Variants in NF1 observed in about 807,000 individuals in gnomAD.
The protein encoded by NF1 is neurofibromin 1.
A neutral mutation model predicts 325.7 loss-of-function variants in NF1; 122 were observed. That is an observed-to-expected ratio of 0.37 (90% confidence interval 0.32 to 0.44). The LOEUF (loss-of-function observed/expected upper bound fraction) is 0.44. NF1 is among the 20% of genes least tolerant of loss of function. NF1 has a pLI of 1.00. For missense variants in NF1, 2,140 were observed against 3,415.4 expected (o/e 0.63, Z 9.31); for synonymous variants, 1,091 against 1,186.0 (o/e 0.92, Z 1.65).
chr17:31,124,031 G>A (rs1433108833), intron 1 of NF1, among the ~76,000 whole-genome samples: 1 of 151,950 alleles, frequency 6.6e-6, no homozygotes, highest in Non-Finnish European at 1.5e-5. Context: ...AGAAATAGTT[G>A]AAGCTGTCTT....
rs2069704009 is a variant in NF1, at chr17:31,337,389, G to C, written c.6449G>C (p.Arg2150Thr). The C allele has an allele frequency of 6.2e-7, 1 of 1,613,806 alleles. No individual in the cohort carries two copies. The highest frequency in any genetic ancestry group is 8.5e-7 in the Non-Finnish European group (1 of 1,179,878). ...HFSEETKQVL[R>T]LSLTEFSLPK... Reference sequence around the variant, plus strand: ...ACAGAAGAGACCAAGCAAGTTTTGAGACTCAGTCTGACAGAGTTCTCATTA... The same window carrying C: ...ACAGAAGAGACCAAGCAAGTTTTGACACTCAGTCTGACAGAGTTCTCATTA... The change falls in exon 43 of 58, where the codon AGA becomes ACA. Residue 2150 changes from arginine (R) to threonine (T), a missense_variant. Physicochemically the swap from Arg to Thr is moderately conservative, Grantham distance 71. Around this residue, in one of 10 missense-constraint regions of NF1, gnomAD observed 180 missense variants for 435.1 expected, o/e 0.41. Transcript: ENST00000358273.
At chr17:31,317,368 A>AAC (rs3138611) in intron 36 of NF1, among the ~76,000 whole-genome samples, 73,570 of 144,380 alleles carry the variant, frequency 0.51, 18,798 homozygotes, top group South Asian at 0.65. Context: ...TCCAGATTTG[A>AAC]ACACACACAC....
chr17:31,367,768 A>G (rs960052849), intron 57 of NF1, among the ~76,000 whole-genome samples: 2 of 152,134 alleles, frequency 1.3e-5, no homozygotes, highest in African/African-American at 2.4e-5. Context: ...TTGGGAGGCC[A>G]AGGTGGGCGG....
intron 8 of NF1, among the ~76,000 whole-genome samples, chr17:31,184,170 A>G (rs2143794990): frequency 1.3e-5 from 2 of 152,324 alleles, no homozygotes; most frequent in Middle Eastern, 3.4e-3. Flanking sequence ...GAACACTGAT[A>G]GTCGTTGCTG....
chr17:31,312,286 A>G lies in NF1; in HGVS notation c.4836-13534A>G, dbSNP rs141861812. 8.4e-3 allele frequency among the ~76,000 whole-genome samples: 1,280 copies of G among 151,982 alleles called. 24 individuals carry two copies. The highest frequency in any genetic ancestry group is 0.03 in the African/African-American group (1,221 of 41,366). On this transcript the variant is annotated intron_variant, in intron 36 of 57. Coordinates refer to ENST00000358273, the MANE Select transcript of NF1 (RefSeq NM_001042492.3). Reference sequence around the variant, plus strand: ...GCACTTTGGGAGGCCGAGGTGGGCCAATCACTTGAGGTCAGGAGTTGAAGA... The same window carrying G: ...GCACTTTGGGAGGCCGAGGTGGGCCGATCACTTGAGGTCAGGAGTTGAAGA...
chr17:31,252,941 A>G lies in NF1; in HGVS notation c.4114A>G (p.Thr1372Ala). 6.2e-7 allele frequency: 1 copy of G among 1,613,618 alleles called. No individual in the cohort carries two copies. The highest frequency in any genetic ancestry group is 8.5e-7 in the Non-Finnish European group (1 of 1,179,746). Residue 1372 changes from threonine to alanine, a missense_variant, in exon 31 of 58, where the codon ACT becomes GCT. Coordinates refer to ENST00000358273, the MANE Select transcript of NF1 (RefSeq NM_001042492.3). ...TGTGCTCATCTCTGTTCTGTAGGCA[A>G]CTTGCCACTCCCTACTGAATAAAGC... ...RSVCHCLYQA[T>A]CHSLLNKATV... is the part of the protein sequence containing the mutation.
chr17:31,358,179 A>G (rs750697363), intron 54 of NF1: 53 of 436,184 alleles, frequency 1.2e-4, no homozygotes, highest in Non-Finnish European at 1.7e-4. Flanking sequence ...GACAGAGCCA[A>G]CCTTGTCTTA....
chr17:31,108,263 T>G (rs1171929365), intron 1 of NF1, among the ~76,000 whole-genome samples: 2 of 7,508 alleles, frequency 2.7e-4, no homozygotes, highest in African/African-American at 1.8e-3. Context: ...AAGTAGAGAG[T>G]TTTTTTTTTT....
Position 31,338,764 on chromosome 17 carries a change from A to G in NF1, c.6880A>G (p.Thr2294Ala). The change falls in exon 46 of 58, where the codon ACA becomes GCA. Residue 2294 changes from threonine to alanine, a missense_variant. By Grantham distance (58) the Thr-to-Ala change is moderately conservative. Coordinates refer to ENST00000358273, the MANE Select transcript of NF1 (RefSeq NM_001042492.3). ...TYNSQVLIEA[T>A]VIALTKLQPL... ...CAACAGTCAAGTTCTGATAGAAGCT[A>G]CAGTAATAGCACTAACCAAATTACA... The G allele has an allele frequency of 1.2e-6, 2 of 1,613,338 alleles. No individual in the cohort carries two copies. The highest frequency in any genetic ancestry group is 2.2e-5 in the South Asian group (2 of 91,058).
In NF1 at chr17:31,330,298, C is replaced by T. The variant is rs2151544392; in HGVS notation, c.5612C>T (p.Ser1871Leu). The T allele has an allele frequency of 6.2e-7, 1 of 1,613,860 alleles. No homozygotes were observed. Among genetic ancestry groups the T allele is most frequent in the Non-Finnish European group, 8.5e-7 (1 of 1,179,810 alleles). Reference protein sequence around the residue: ...NLGSSDPSLRSAAYNLLCALT... With the variant: ...NLGSSDPSLRLAAYNLLCALT... The stretch of plus-strand genomic sequence containing the variant: ...ACTTCATTTGTGTTTTCTCCTAGGT[C>T]AGCTGCCTATAATCTTCTGTGTGCC... The change falls in exon 39 of 58, where the codon TCA (serine) becomes TTA (leucine). Residue 1871 changes from serine to leucine, a missense_variant and splice_region_variant. By Grantham distance (145) the Ser-to-Leu change is moderately radical. This residue lies in a region of NF1 where 180 missense variants were observed against 435.1 expected (regional missense o/e 0.41). Transcript: ENST00000358273.
chr17:31,153,756 C>T (rs552875807), intron 1 of NF1, among the ~76,000 whole-genome samples: 2 of 150,624 alleles, frequency 1.3e-5, no homozygotes, highest in South Asian at 4.2e-4. Context: ...ATTACAGGCA[C>T]ACACTACCAA....
At chr17:31,122,306 A>G (rs1157728192) in intron 1 of NF1, among the ~76,000 whole-genome samples, 1 of 152,194 alleles carries the variant, frequency 6.6e-6, no homozygotes, top group Non-Finnish European at 1.5e-5. Flanking sequence ...GAGGAGATTT[A>G]AGTGAATAAG....
intron 34 of NF1, 50 bp from the exon 35 acceptor site, chr17:31,261,661 T>A (rs2151466004): frequency 6.2e-7 from 1 of 1,606,416 alleles, no homozygotes. Flanking sequence ...AAATGTGTAG[T>A]GCTAAATGTG....
At chr17:31,272,586 T>G (rs973311126) in intron 36 of NF1, 5 of 152,230 alleles carry the variant, frequency 3.3e-5, no homozygotes, top group Admixed American at 1.3e-4. Flanking sequence ...TATCCCAGGA[T>G]TGGGGTTCAT....
chr17:31,194,075 A>G (rs529653069), intron 8 of NF1, among the ~76,000 whole-genome samples: 6 of 152,352 alleles, frequency 3.9e-5, no homozygotes, highest in Non-Finnish European at 8.8e-5. Flanking sequence ...TATTGAAGAG[A>G]CATCTGTACT....
intron 1 of NF1, among the ~76,000 whole-genome samples, chr17:31,134,198 G>T (rs113549496): frequency 0.012 from 1,802 of 152,126 alleles, 45 homozygotes; most frequent in African/African-American, 0.041. Flanking sequence ...GACTTTTAGA[G>T]TTATATTTAA....
intron 31 of NF1, chr17:31,254,026 G>A (rs1381244087): frequency 6.6e-6 from 1 of 152,050 alleles, no homozygotes; most frequent in Non-Finnish European, 1.5e-5. Flanking sequence ...GGCACTTTGG[G>A]AGACCAAGGT....
intron 17 of NF1, 88 bp from the exon 18 acceptor site, chr17:31,226,347 A>T: frequency 6.6e-7 from 1 of 1,503,890 alleles, no homozygotes; most frequent in South Asian, 1.2e-5. Context: ...ACACACACAC[A>T]CACACACACA....
Position 31,236,267 on chromosome 17 carries a change from G to T in NF1, c.3974+246G>T, listed in dbSNP as rs551006206. The stretch of plus-strand genomic sequence containing the variant: ...AAGGTGTCTTTGACTTCCACCTCCA[G>T]AGACTGTTACTAGTTAAGTCTGTTC... On this transcript the variant is annotated intron_variant, in intron 29 of 57. Transcript: ENST00000358273. Among the ~76,000 whole-genome samples, 3 of 152,088 alleles carry T rather than the reference G, an allele frequency of 2.0e-5. No homozygotes were observed. The South Asian group carries it at 6.2e-4, about 32-fold the overall frequency.
Sources: gnomAD v4.1 joint callset for allele counts (sites outside exome capture counted in the v4.1 genomes callset) on GRCh38, gnomAD v4.1.1 for gene constraint, gnomAD v4.1.1 regional missense constraint, MANE v1.5 for transcripts, NCBI Gene and HGNC (gene_info 2026-07-23, HGNC 2026-07-21) for gene names.